PWWP2B: variants seen among roughly 807,000 people sequenced by gnomAD.
PWWP2B encodes the protein PWWP domain-containing protein 2B.
A neutral mutation model predicts 15.5 loss-of-function variants in PWWP2B; 9 were observed. The observed-to-expected ratio is 0.58, with a 90% CI of 0.35 to 1.02. The LOEUF is 1.02. PWWP2B is among the 50% of genes least tolerant of loss of function. The pLI is 0.02. For synonymous variants in PWWP2B, 474 were observed against 403.6 expected, an observed-to-expected ratio of 1.17 and a Z score of -2.09; for missense variants, 864 against 865.3, an observed-to-expected ratio of 1.00 and a Z score of 0.02.
chr10:132,415,632 C>A (rs543090476), intron 2 of PWWP2B, among the ~76,000 whole-genome samples: 2 of 140,042 alleles, frequency 1.4e-5, no homozygotes, highest in Non-Finnish European at 3.0e-5. Context: ...CACACATCCA[C>A]TCACACACCC....
chr10:132,417,109 G>T lies in PWWP2B; in HGVS notation c.*65G>T. 6.2e-7 allele frequency: 1 copy of T among 1,613,482 alleles called. No individual in the cohort carries two copies. Among genetic ancestry groups the T allele is most frequent in the African/African-American group, 1.3e-5 (1 of 75,046 alleles). ...TGCTGTCCTGGAGCTTCCGATCTCTGTTCGGGGACCCTGTGAGCCTTCTGG... is the reference window on the plus strand; with the variant it reads ...TGCTGTCCTGGAGCTTCCGATCTCTTTTCGGGGACCCTGTGAGCCTTCTGG... On this transcript the variant is annotated 3_prime_UTR_variant, in exon 3 of 3. Coordinates refer to ENST00000305233, the MANE Select transcript of PWWP2B (RefSeq NM_138499.4).
Position 132,417,287 on chromosome 10 carries a change from G to A in PWWP2B, c.*243G>A, listed in dbSNP as rs528503591. The stretch of plus-strand genomic sequence containing the variant: ...CCACCACTCAGCGCATGGCTGCCCT[G>A]GCTCACGAGGCAGTCGGGACTCGTG... On this transcript the variant is annotated 3_prime_UTR_variant, in exon 3 of 3. Transcript: ENST00000305233. The A allele has an allele frequency of 6.0e-5, 35 of 586,396 alleles. No homozygotes were observed. In the African/African-American group the frequency reaches 6.4e-4, roughly 11 times the overall value. 36.3% of individuals were successfully genotyped at this position (586,396 alleles called of 1,614,324 possible).
In PWWP2B at chr10:132,405,119, G is replaced by A. The variant is rs2069674519; in HGVS notation, c.619G>A (p.Gly207Ser). The change falls in exon 2 of 3, where the codon GGC becomes AGC. Residue 207 changes from glycine to serine, a missense_variant. Physicochemically the swap from Gly to Ser is moderately conservative, Grantham distance 56. Coordinates refer to ENST00000305233, the MANE Select transcript of PWWP2B (RefSeq NM_138499.4). ...CAGGGCCCGCAGGAGGCTGGGCAGCGGCCCGGACAGGGAGCTCCGCAAGCC... is the reference window on the plus strand; with the variant it reads ...CAGGGCCCGCAGGAGGCTGGGCAGCAGCCCGGACAGGGAGCTCCGCAAGCC... ...APRARRRLGS[G>S]PDRELRKPEE... 27 of 1,541,756 alleles carry A rather than the reference G, an allele frequency of 1.8e-5. No homozygotes were observed. The highest frequency in any genetic ancestry group is 2.3e-5 in the Non-Finnish European group (26 of 1,143,568).
At chr10:132,404,514 G>A (rs183854870) in intron 1 of PWWP2B, 112 bp from the exon 2 acceptor site, 51 of 890,324 alleles carry the variant, frequency 5.7e-5, no homozygotes, top group East Asian at 9.7e-5. Context: ...GGCATGGCTC[G>A]CTGCCCAGAC....
intron 2 of PWWP2B, among the ~76,000 whole-genome samples, chr10:132,409,118 G>A (rs538177252): frequency 1.3e-5 from 2 of 152,212 alleles, no homozygotes; most frequent in Admixed American, 6.5e-5. Context: ...TTTGTTCACC[G>A]CTCCCAGGGT....
At position 132,405,722 on chromosome 10, in the gene PWWP2B, G is replaced by C; in HGVS notation, c.1222G>C (p.Val408Leu). ...PQGREGLAFLVSCPEGRADCA... is the reference protein window; with the variant it reads ...PQGREGLAFLLSCPEGRADCA... ...GGGACGCGAGGGCTTGGCTTTTCTC[G>C]TCAGCTGCCCTGAGGGGAGAGCGGA... Residue 408 changes from valine to leucine, a missense_variant, in exon 2 of 3, where the codon GTC becomes CTC. Val to Leu is a conservative substitution (Grantham distance 32). Coordinates refer to ENST00000305233, the MANE Select transcript of PWWP2B (RefSeq NM_138499.4). 1 of 1,610,924 alleles carries C rather than the reference G, an allele frequency of 6.2e-7. No homozygotes were observed. The highest frequency in any genetic ancestry group is 8.5e-7 in the Non-Finnish European group (1 of 1,179,884).
At chr10:132,401,219 T>G (rs2069611056) in intron 1 of PWWP2B, among the ~76,000 whole-genome samples, 1 of 152,250 alleles carries the variant, frequency 6.6e-6, no homozygotes, top group Non-Finnish European at 1.5e-5. Flanking sequence ...ACTGGCGTAC[T>G]TTTTGCTTTG....
intron 1 of PWWP2B, among the ~76,000 whole-genome samples, chr10:132,398,759 G>T (rs2069571880): frequency 6.6e-6 from 1 of 152,258 alleles, no homozygotes; most frequent in Admixed American, 6.5e-5. Flanking sequence ...GCTGTAGGAT[G>T]CATGGGTGTC....
chr10:132,401,505 A>C (rs944372581), intron 1 of PWWP2B, among the ~76,000 whole-genome samples: 1 of 151,900 alleles, frequency 6.6e-6, no homozygotes, highest in Non-Finnish European at 1.5e-5. Context: ...CTCCAGGGCC[A>C]CTCCATCTTC....
chr10:132,412,060 G>C (rs566616564), intron 2 of PWWP2B, among the ~76,000 whole-genome samples: 3 of 152,206 alleles, frequency 2.0e-5, no homozygotes, highest in Non-Finnish European at 4.4e-5. Context: ...CCCAGCAGCC[G>C]GGCAGCCGGT....
At chr10:132,415,695 G>A (rs915361376) in intron 2 of PWWP2B, among the ~76,000 whole-genome samples, 1 of 129,466 alleles carries the variant, frequency 7.7e-6, no homozygotes, top group African/African-American at 3.2e-5. Context: ...ACACACACAT[G>A]CACTCTCACA....
intron 2 of PWWP2B, among the ~76,000 whole-genome samples, chr10:132,412,849 G>T (rs574872236): frequency 3.9e-5 from 6 of 152,364 alleles, no homozygotes; most frequent in African/African-American, 1.2e-4. Flanking sequence ...TCCTGAGCGT[G>T]TGTGTCTCGT....
intron 2 of PWWP2B, among the ~76,000 whole-genome samples, chr10:132,408,430 G>T (rs371468776): frequency 3.7e-4 from 56 of 152,344 alleles, no homozygotes; most frequent in African/African-American, 1.3e-3. Context: ...CACCACCATC[G>T]TGAAGGCGCC....
At chr10:132,400,564 G>A (rs2069602880) in intron 1 of PWWP2B, among the ~76,000 whole-genome samples, 1 of 152,166 alleles carries the variant, frequency 6.6e-6, no homozygotes, top group Non-Finnish European at 1.5e-5. Flanking sequence ...TCTCCTGCCA[G>A]CCTGCTTTTC....
chr10:132,413,313 G>A (rs1157855289), intron 2 of PWWP2B, among the ~76,000 whole-genome samples: 1 of 152,184 alleles, frequency 6.6e-6, no homozygotes, highest in East Asian at 1.9e-4. Context: ...AATAATATAT[G>A]TAATACTATT....
At chr10:132,414,948 C>T (rs74876886) in intron 2 of PWWP2B, among the ~76,000 whole-genome samples, 2 of 152,132 alleles carry the variant, frequency 1.3e-5, no homozygotes, top group African/African-American at 4.8e-5. Context: ...CCTGCTCCCC[C>T]TGGGACGTGA....
chr10:132,417,455 T>G lies in PWWP2B; in HGVS notation c.*411T>G, dbSNP rs540388000. The G allele has an allele frequency of 4.6e-5, 14 of 302,756 alleles. No homozygotes were observed. The highest frequency in any genetic ancestry group is 9.9e-4 in the Middle Eastern group (1 of 1,012). The allele number at this position is 302,756 out of a possible 1,614,324, so 18.8% of individuals were successfully genotyped here. ...TGGCGCCCCGGCCTCGCCCAGCGGC[T>G]GGTGTGGGCAGCTGTTCCCTGCCTC... is the stretch of plus-strand genomic sequence containing the variant. On this transcript the variant is annotated 3_prime_UTR_variant, in exon 3 of 3. Coordinates refer to ENST00000305233, the MANE Select transcript of PWWP2B (RefSeq NM_138499.4).
chr10:132,416,258 C>T (rs1344520507), intron 2 of PWWP2B, among the ~76,000 whole-genome samples: 2 of 152,118 alleles, frequency 1.3e-5, no homozygotes, highest in Non-Finnish European at 2.9e-5. Context: ...AGTGGCGGGG[C>T]TGGCGTGGCC....
Position 132,405,632 on chromosome 10 carries a change from G to T in PWWP2B, c.1132G>T (p.Ala378Ser). The stretch of plus-strand genomic sequence containing the variant: ...TGCGGACGGCCCTGCCGGTGGGCTG[G>T]CGGACTTGTCTTCTGGAAGTTCGGG... ...PCADGPAGGLADLSSGSSGED... is the reference protein window; with the variant it reads ...PCADGPAGGLSDLSSGSSGED... Residue 378 changes from alanine to serine, a missense_variant, in exon 2 of 3, where the codon GCG (alanine) becomes TCG (serine). Physicochemically the swap from Ala to Ser is moderately conservative, Grantham distance 99. This residue lies in a region of PWWP2B where 736 missense variants were observed against 687.7 expected (regional missense o/e 1.07). Coordinates refer to ENST00000305233, the MANE Select transcript of PWWP2B (RefSeq NM_138499.4). The T allele has an allele frequency of 6.2e-7, 1 of 1,612,274 alleles. No individual in the cohort carries two copies.
Sources: allele counts gnomAD v4.1 joint callset (sites outside exome capture counted in the v4.1 genomes callset), GRCh38; gene constraint gnomAD v4.1.1; regional missense constraint gnomAD v4.1.1; transcripts MANE v1.5; gene names NCBI Gene and HGNC (gene_info 2026-07-23, HGNC 2026-07-21).